The following STEAP4 variants were observed in gnomAD, a reference collection of about 807,000 sequenced individuals.
STEAP4 encodes the protein STEAP4 metalloreductase, also known as metalloreductase STEAP4.
A neutral mutation model predicts 43.6 loss-of-function variants in STEAP4; 36 were observed. The observed-to-expected ratio is 0.83, with a 90% confidence interval of 0.63 to 1.09. The LOEUF (loss-of-function observed/expected upper bound fraction) is 1.09, where lower values mean the gene tolerates loss of function less well. Ranked by LOEUF, STEAP4 falls within the 50% of genes least tolerant of loss-of-function variation. STEAP4 has a pLI of 0.00. For synonymous variants in STEAP4, 191 were observed against 196.7 expected (o/e 0.97, Z 0.24); for missense variants, 495 against 546.5 (o/e 0.91, Z 0.94).
chr7:88,283,247 A>T, intron 2 of STEAP4, 79 bp from the exon 3 acceptor site: 4 of 1,383,208 alleles, frequency 2.9e-6, no homozygotes, highest in Non-Finnish European at 3.9e-6. Context: ...CTACAACAGC[A>T]CCATGCCAAA....
At chr7:88,280,817 A>C in intron 4 of STEAP4, 98 bp downstream of exon 4, 1 of 1,254,462 alleles carries the variant, frequency 8.0e-7, no homozygotes. Context: ...TGCCTTTTGT[A>C]CCTGGGTTCA....
chr7:88,273,174 AGTC>A lies in STEAP4; in HGVS notation c.*6221_*6223del, dbSNP rs1444106093. On this transcript the variant is annotated 3_prime_UTR_variant, in exon 5 of 5. Transcript: ENST00000380079. ...GAAATTATATGTTATTTTTAACTAT[AGTC>A]ATCCTACAGAGCTATGGAACACTAA... 6.6e-6 allele frequency: 1 copy of A among 152,208 alleles called. No homozygotes were observed. The highest frequency in any genetic ancestry group is 1.5e-5 in the Non-Finnish European group (1 of 68,036). 9.4% of individuals were successfully genotyped at this position (152,208 alleles called of 1,614,324 possible).
At chr7:88,281,700 G>C (rs934985033) in intron 3 of STEAP4, 2 of 152,144 alleles carry the variant, frequency 1.3e-5, no homozygotes, top group African/African-American at 2.4e-5. Context: ...TTCTAAACTA[G>C]AACTGACTTA....
rs545385293 is a variant in STEAP4, at chr7:88,283,817, C to A, written c.453G>T (p.Arg151=). 8.7e-6 allele frequency: 14 copies of A among 1,609,228 alleles called. No homozygotes were observed. The African/African-American group carries it at 1.5e-4, about 17-fold the overall frequency. ...ALQSGALDAS[R]QVFVCGNDSK... ...GTGTAAATTTGTTTATTCTTACCTG[C>A]CGACTTGCATCCAGTGCTCCTGACT... The change falls in exon 2 of 5, where the codon CGG becomes CGT. Residue 151 remains arginine, a synonymous_variant. Coordinates refer to ENST00000380079, the MANE Select transcript of STEAP4 (RefSeq NM_024636.4).
chr7:88,282,814 A>G lies in STEAP4; in HGVS notation c.811T>C (p.Tyr271His). Residue 271 changes from tyrosine to histidine, a missense_variant, in exon 3 of 5, where the codon TAC becomes CAC. Physicochemically the swap from Tyr to His is moderately conservative, Grantham distance 83. Transcript: ENST00000380079. ...AATCGACGGTATTTTGTGCCTCGGT[A>G]CAGTTGTAGAATGGCAGCAATAACA... ...PGVIAAILQL[Y>H]RGTKYRRFPD... 6.2e-7 allele frequency: 1 copy of G among 1,614,218 alleles called. No homozygotes were observed. Among genetic ancestry groups the G allele is most frequent in the African/African-American group, 1.3e-5 (1 of 75,062 alleles).
At chr7:88,280,638 T>G (rs915502086) in intron 4 of STEAP4, among the ~76,000 whole-genome samples, 11 of 152,324 alleles carry the variant, frequency 7.2e-5, no homozygotes, top group Non-Finnish European at 1.3e-4. Context: ...AGGTTAATTT[T>G]TTAGATGGTG....
Position 88,279,395 on chromosome 7 carries a change from T to C in STEAP4, c.*3A>G, listed in dbSNP as rs374590122. 2.9e-5 allele frequency: 46 copies of C among 1,612,226 alleles called. 1 individual carries two copies. In the Admixed American group the frequency reaches 3.2e-4, roughly 11 times the overall value. On this transcript the variant is annotated 3_prime_UTR_variant, in exon 5 of 5. Transcript: ENST00000380079. ...AATATTGATTTTCCATTCAATGCTT[T>C]TTCTAGTGTTTTGAGTTCCTTTCCC...
chr7:88,282,862 G>C lies in STEAP4; in HGVS notation c.763C>G (p.Leu255Val), dbSNP rs781485643. 1.2e-6 allele frequency: 2 copies of C among 1,614,034 alleles called. No homozygotes were observed. The highest frequency in any genetic ancestry group is 1.7e-6 in the Non-Finnish European group (2 of 1,180,028). ...ACACCAGGGAGGTAAACCAAAGCAA[G>C]CAGTGTAAGTGCTGTTATTGGAAAG... ...RIFPITALTL[L>V]ALVYLPGVIA... Residue 255 changes from leucine (L) to valine (V), a missense_variant, in exon 3 of 5, where the codon CTT (leucine) becomes GTT (valine). Leu to Val is a conservative substitution (Grantham distance 32). Coordinates refer to ENST00000380079, the MANE Select transcript of STEAP4 (RefSeq NM_024636.4).
At chr7:88,301,728 A>G (rs1853038275) in intron 1 of STEAP4, among the ~76,000 whole-genome samples, 1 of 151,974 alleles carries the variant, frequency 6.6e-6, no homozygotes, top group Non-Finnish European at 1.5e-5. Flanking sequence ...GGTGTGCACC[A>G]CCACGCCCAG....
rs1852521544 is a variant in STEAP4, at chr7:88,276,942, A to ATT, written c.*2454_*2455dup. 1 of 152,034 alleles carries ATT rather than the reference A, an allele frequency of 6.6e-6. No homozygotes were observed. Among genetic ancestry groups the ATT allele is most frequent in the Non-Finnish European group, 1.5e-5 (1 of 68,018 alleles). The allele number at this position is 152,034 out of a possible 1,614,324, so 9.4% of individuals were successfully genotyped here. A position where few individuals can be genotyped will look rare whatever the true frequency, so the allele number is the denominator to read the frequency against. On this transcript the variant is annotated 3_prime_UTR_variant, in exon 5 of 5. Transcript: ENST00000380079. ...TTACTAGGCTATAAAAGTAGAGTTC[A>ATT]TTTTTTTCTATAGGTCAGCATTTTA...
At chr7:88,305,399 AAAGGCC>A (rs1366058618) in intron 1 of STEAP4, among the ~76,000 whole-genome samples, 1 of 152,228 alleles carries the variant, frequency 6.6e-6, no homozygotes, top group African/African-American at 2.4e-5. Context: ...GGACCTTGCA[AAAGGCC>A]ATATCTCAGA....
chr7:88,280,391 GC>G (rs1427478053), intron 4 of STEAP4, among the ~76,000 whole-genome samples: 1 of 152,182 alleles, frequency 6.6e-6, no homozygotes, highest in Non-Finnish European at 1.5e-5. Flanking sequence ...TCCAGGTGAT[GC>G]AGATGCTGCT....
At chr7:88,302,976 T>C (rs1419529424) in intron 1 of STEAP4, among the ~76,000 whole-genome samples, 1 of 121,732 alleles carries the variant, frequency 8.2e-6, no homozygotes, top group Non-Finnish European at 1.7e-5. Context: ...AAAAAAAAAA[T>C]TGGGTGCTGA....
intron 1 of STEAP4, among the ~76,000 whole-genome samples, chr7:88,291,596 G>A (rs561283660): frequency 2.0e-5 from 3 of 152,044 alleles, no homozygotes; most frequent in Non-Finnish European, 4.4e-5. Context: ...AAAGAATGCT[G>A]CTACACCCTT....
Position 88,272,249 on chromosome 7 carries a change from T to C in STEAP4, c.*7149A>G, listed in dbSNP as rs1852446895. The C allele has an allele frequency of 1.3e-5, 2 of 152,232 alleles. No homozygotes were observed. Among genetic ancestry groups the C allele is most frequent in the Admixed American group, 1.3e-4 (2 of 15,280 alleles). 9.4% of individuals were successfully genotyped at this position (152,232 alleles called of 1,614,324 possible). On this transcript the variant is annotated 3_prime_UTR_variant, in exon 5 of 5. Transcript: ENST00000380079. Reference sequence around the variant, plus strand: ...TGGTGGATGAAAAGCACAGTTTCCTTTCCCCTTGATGGGAATAACTCTTAG... The same window carrying C: ...TGGTGGATGAAAAGCACAGTTTCCTCTCCCCTTGATGGGAATAACTCTTAG...
intron 1 of STEAP4, among the ~76,000 whole-genome samples, chr7:88,300,691 A>T (rs1218381927): frequency 6.6e-6 from 1 of 151,922 alleles, no homozygotes; most frequent in Non-Finnish European, 1.5e-5. Context: ...TTCCTTAGAG[A>T]GGCATTTACC....
At position 88,279,425 on chromosome 7, in the gene STEAP4, C is replaced by T. The variant is rs1481138004; in HGVS notation, c.1353G>A (p.Gln451=). The change falls in exon 5 of 5, where the codon CAG becomes CAA. Residue 451 remains glutamine, a synonymous_variant. Transcript: ENST00000380079. ...CVDNTLTRIR[Q]GWERNSKH is the part of the protein sequence containing the mutation. Reference sequence around the variant, plus strand: ...AGTGTTTTGAGTTCCTTTCCCAGCCCTGGCGGATCCTTGTAAGGGTGTTGT... The same window carrying T: ...AGTGTTTTGAGTTCCTTTCCCAGCCTTGGCGGATCCTTGTAAGGGTGTTGT... The T allele has an allele frequency of 1.2e-6, 2 of 1,614,110 alleles. No individual in the cohort carries two copies. The highest frequency in any genetic ancestry group is 1.1e-5 in the South Asian group (1 of 91,076).
At chr7:88,306,424 G>C (rs558737233) in intron 1 of STEAP4, among the ~76,000 whole-genome samples, 1 of 152,342 alleles carries the variant, frequency 6.6e-6, no homozygotes, top group East Asian at 1.9e-4. Context: ...AAGCAGCCTC[G>C]GATCTGAGAC....
chr7:88,296,156 C>G (rs1321139345), intron 1 of STEAP4, among the ~76,000 whole-genome samples: 1 of 152,174 alleles, frequency 6.6e-6, no homozygotes, highest in Non-Finnish European at 1.5e-5. Context: ...TACATCTACT[C>G]GGTACCCCTA....
Sources: allele counts gnomAD v4.1 joint callset (sites outside exome capture counted in the v4.1 genomes callset), GRCh38; gene constraint gnomAD v4.1.1; transcripts MANE v1.5; gene names NCBI Gene and HGNC (gene_info 2026-07-23, HGNC 2026-07-21).